Variants in WDR90 observed in about 807,000 individuals in gnomAD.
WDR90 encodes WD repeat domain 90.
WDR90 carries 238 observed loss-of-function variants against 195.2 expected under a neutral mutation model. The observed-to-expected ratio is 1.22, with a 90% CI of 1.10 to 1.36. The LOEUF is 1.36. Ranked by LOEUF, WDR90 falls within the 40% of genes most tolerant of loss-of-function variation. The pLI is 0.00. For synonymous variants in WDR90, 1,265 were observed against 1,052.4 expected, an observed-to-expected ratio of 1.20 and a Z score of -3.91; for missense variants, 2,734 against 2,439.5, an observed-to-expected ratio of 1.12 and a Z score of -2.54.
intron 9 of WDR90, 136 bp from the exon 10 acceptor site, chr16:652,331 G>A (rs1434928193): frequency 9.2e-7 from 1 of 1,085,376 alleles, no homozygotes; most frequent in Non-Finnish European, 1.3e-6. Context: ...ACCACAGCCA[G>A]CAGGAGCCAC....
chr16:666,407 C>G, intron 37 of WDR90, 48 bp from the exon 38 acceptor site: 1 of 1,609,050 alleles, frequency 6.2e-7, no homozygotes, highest in Non-Finnish European at 8.5e-7. Flanking sequence ...GGGGCAGGCA[C>G]CATCTTGGCA....
In WDR90 at chr16:666,911, GA is replaced by G. The variant is rs754989627; in HGVS notation, c.5012del (p.Glu1671GlyfsTer12). On this transcript the variant is annotated frameshift_variant, in exon 40 of 41. Transcript: ENST00000293879. LOFTEE classifies it high-confidence loss of function. The part of the protein sequence containing the change: ...IYNLCQKQVV[E>X]KIPLPFFAMS... ...TCACGCTGGCTGCTCACAGGTGGTGGAGAAGATACCACTGCCCTTTTTTGCC... is the reference window on the plus strand; with the variant it reads ...TCACGCTGGCTGCTCACAGGTGGTGGGAAGATACCACTGCCCTTTTTTGCC... The G allele has an allele frequency of 6.2e-7, 1 of 1,612,774 alleles. No individual in the cohort carries two copies. Among genetic ancestry groups the G allele is most frequent in the Non-Finnish European group, 8.5e-7 (1 of 1,179,888 alleles).
intron 28 of WDR90, 30 bp from the exon 29 acceptor site, chr16:661,021 G>T: frequency 2.9e-6 from 1 of 345,410 alleles, no homozygotes; most frequent in Non-Finnish European, 3.4e-6. Flanking sequence ...CCCCCGGCCC[G>T]GCCTCAGGCC....
At chr16:665,171 G>T (rs548568328) in intron 34 of WDR90, 1 of 246,972 alleles carries the variant, frequency 4.0e-6, no homozygotes, top group Middle Eastern at 1.2e-3. Flanking sequence ...AGCGTGCAGC[G>T]GTTTTGGGAG....
chr16:658,944 G>A lies in WDR90; in HGVS notation c.2944G>A (p.Asp982Asn). ...CGTGCAGGCTGTGGCCTTCTCTCCT[G>A]ACCAGCAGCAGGTCCTCAGCGCAGG... is the stretch of plus-strand genomic sequence containing the variant. ...EPVQAVAFSPDQQQVLSAGDA... is the reference protein window; with the variant it reads ...EPVQAVAFSPNQQQVLSAGDA... Residue 982 changes from aspartate to asparagine, a missense_variant, in exon 24 of 41, where the codon GAC becomes AAC. By Grantham distance (23) the Asp-to-Asn change is conservative. Coordinates refer to ENST00000293879, the MANE Select transcript of WDR90 (RefSeq NM_145294.5). The A allele has an allele frequency of 6.2e-7, 1 of 1,612,842 alleles. No homozygotes were observed. The highest frequency in any genetic ancestry group is 1.1e-5 in the South Asian group (1 of 91,080).
intron 20 of WDR90, among the ~76,000 whole-genome samples, chr16:657,522 C>T (rs2037786297): frequency 6.6e-6 from 1 of 152,162 alleles, no homozygotes; most frequent in Admixed American, 6.5e-5. Flanking sequence ...CTGCGGCCAC[C>T]ATAACTTGGG....
rs1173731839 is a variant in WDR90, at chr16:661,607, T to C, written c.3684T>C (p.Asp1228=). The change falls in exon 31 of 41, where the codon GAT becomes GAC. Residue 1228 remains aspartate, a synonymous_variant. Coordinates refer to ENST00000293879, the MANE Select transcript of WDR90 (RefSeq NM_145294.5). The part of the protein sequence containing the change: ...DRLLVTLGDH[D]GRTLALWGTA... ...CTGTGTCCTTCCCAGGGGACCACGA[T>C]GGCCGCACCCTCGCCCTGTGGGGCA... is the stretch of plus-strand genomic sequence containing the variant. The C allele has an allele frequency of 9.4e-6, 15 of 1,591,284 alleles. No individual in the cohort carries two copies. Among genetic ancestry groups the C allele is most frequent in the South Asian group, 2.3e-5 (2 of 88,720 alleles).
chr16:655,204 C>T (rs772076191), intron 14 of WDR90, 57 bp downstream of exon 14: 12 of 1,612,020 alleles, frequency 7.4e-6, no homozygotes, highest in South Asian at 4.4e-5. Flanking sequence ...GAGTGGGGGC[C>T]GAGGCCCGAG....
chr16:652,161 T>C, intron 9 of WDR90, 122 bp downstream of exon 9: 2 of 1,226,286 alleles, frequency 1.6e-6, no homozygotes, highest in Non-Finnish European at 2.3e-6. Flanking sequence ...TTCAGCCTCC[T>C]GGCAAGGAGC....
chr16:657,033 A>T, intron 19 of WDR90, 58 bp from the exon 20 acceptor site: 1 of 1,581,620 alleles, frequency 6.3e-7, no homozygotes, highest in Non-Finnish European at 8.5e-7. Context: ...AGGTCGAGGG[A>T]ACCCATGGTA....
At chr16:649,298 T>C, upstream of WDR90, 4 of 1,234,710 alleles carry the variant, frequency 3.2e-6, no homozygotes, top group African/African-American at 1.6e-5. Context: ...GGCGCCGCCA[T>C]GACGGCGGAA....
In WDR90 at chr16:650,376, G is replaced by A. The variant is rs931214364; in HGVS notation, c.388+14G>A. ...CACCTCAGAGAGGTGACACCAAGATGGGGTGTGGATGATCCAGGACAGGTG... is the reference window on the plus strand; with the variant it reads ...CACCTCAGAGAGGTGACACCAAGATAGGGTGTGGATGATCCAGGACAGGTG... On this transcript the variant is annotated intron_variant, in intron 4 of 40. Coordinates refer to ENST00000293879, the MANE Select transcript of WDR90 (RefSeq NM_145294.5). The A allele has an allele frequency of 1.2e-6, 2 of 1,610,044 alleles. No homozygotes were observed. The highest frequency in any genetic ancestry group is 1.3e-5 in the African/African-American group (1 of 75,016).
chr16:662,795 G>C lies in WDR90; in HGVS notation c.4262G>C (p.Ser1421Thr), dbSNP rs1381619935. Residue 1421 changes from serine (S) to threonine (T), a missense_variant, in exon 34 of 41, where the codon AGC (serine) becomes ACC (threonine). By Grantham distance (58) the Ser-to-Thr change is moderately conservative. Coordinates refer to ENST00000293879, the MANE Select transcript of WDR90 (RefSeq NM_145294.5). ...GTTAGTLWFVSWAEGTSTRLI... is the reference protein window; with the variant it reads ...GTTAGTLWFVTWAEGTSTRLI... ...ACGGCGGGCACGCTGTGGTTTGTCAGCTGGGCCGAGGGCACCAGCACACGT... is the reference window on the plus strand; with the variant it reads ...ACGGCGGGCACGCTGTGGTTTGTCACCTGGGCCGAGGGCACCAGCACACGT... 1.3e-5 allele frequency: 21 copies of C among 1,601,808 alleles called. No homozygotes were observed. The highest frequency in any genetic ancestry group is 1.7e-5 in the Non-Finnish European group (20 of 1,174,958).
chr16:661,299 C>G (rs2037907803), intron 29 of WDR90, 43 bp from the exon 30 acceptor site: 9 of 1,550,848 alleles, frequency 5.8e-6, no homozygotes, highest in Non-Finnish European at 7.8e-6. Context: ...CCACTCCAGC[C>G]AGCCACGGCC....
Position 667,576 on chromosome 16 carries a change from T to C in WDR90, c.5234T>C (p.Val1745Ala). The C allele has an allele frequency of 6.2e-7, 1 of 1,606,538 alleles. No individual in the cohort carries two copies. The change falls in exon 41 of 41, where the codon GTC (valine) becomes GCC (alanine). Residue 1745 changes from valine to alanine, a missense_variant. Coordinates refer to ENST00000293879, the MANE Select transcript of WDR90 (RefSeq NM_145294.5). ...CGCAACGAGATCCTTGTGTGGGAGG[T>C]CCCCGGCCTCTGAGATGCAGCAGGG... ...AARNEILVWE[V>A]PGL
chr16:656,977 C>T lies in WDR90; in HGVS notation c.2342+106C>T, dbSNP rs530965291. 315 of 1,552,232 alleles carry T rather than the reference C, an allele frequency of 2.0e-4. No individual in the cohort carries two copies. The South Asian group carries it at 3.5e-3, about 17-fold the overall frequency. ...TGGCCAGTGCTGGCTGGAGCCCCAC[C>T]CTTTGCTGCCCCATGGGGACTTCCA... On this transcript the variant is annotated intron_variant, in intron 19 of 40. Coordinates refer to ENST00000293879, the MANE Select transcript of WDR90 (RefSeq NM_145294.5).
intron 1 of WDR90, 45 bp downstream of exon 1, chr16:649,471 G>A: frequency 1.6e-6 from 2 of 1,288,354 alleles, no homozygotes; most frequent in Non-Finnish European, 9.8e-7. Flanking sequence ...GGGTTCCGGG[G>A]TTCCGGGGTC....
At position 661,044 on chromosome 16, in the gene WDR90, C is replaced by A. The variant is rs369605844; in HGVS notation, c.3392-7C>A. ...CCGGCCTCAGGCCCCGCCCTCTCTGCGCACAGGCTTCTTTGCCTACACGTG... is the reference window on the plus strand; with the variant it reads ...CCGGCCTCAGGCCCCGCCCTCTCTGAGCACAGGCTTCTTTGCCTACACGTG... On this transcript the variant is annotated splice_polypyrimidine_tract_variant and splice_region_variant and intron_variant, in intron 28 of 40. Transcript: ENST00000293879. The A allele has an allele frequency of 1.6e-5, 22 of 1,365,376 alleles. No individual in the cohort carries two copies. Among genetic ancestry groups the A allele is most frequent in the Non-Finnish European group, 2.1e-5 (22 of 1,040,566 alleles). 84.6% of individuals were successfully genotyped at this position (1,365,376 alleles called of 1,614,324 possible).
rs1419850900 is a variant in WDR90 at position 653,726 on chromosome 16, C to T, written c.1380-20C>T. 2 of 1,613,148 alleles carry T rather than the reference C, an allele frequency of 1.2e-6. No homozygotes were observed. ...GGGGGTCAGCCCAGGCGACAATGAC[C>T]ACCTCCTCCCTGTTCACAGCTTCTC... is the stretch of plus-strand genomic sequence containing the variant. On this transcript the variant is annotated intron_variant, in intron 12 of 40. Transcript: ENST00000293879.
Sources: allele counts gnomAD v4.1 joint callset (sites outside exome capture counted in the v4.1 genomes callset), GRCh38; gene constraint gnomAD v4.1.1; transcripts MANE v1.5; gene names NCBI Gene and HGNC (gene_info 2026-07-23, HGNC 2026-07-21).